Variants in ITFG1 observed in about 807,000 individuals in gnomAD.
ITFG1 encodes T-cell immunomodulatory protein.
In ITFG1, 34 loss-of-function variants were observed where a neutral mutation model predicts 81.8. The ratio of observed to expected loss-of-function variants is 0.42; its 90% CI spans 0.32 to 0.55. ITFG1 has a LOEUF of 0.55. Among genes scored for constraint, ITFG1 ranks in the 20% least tolerant of loss-of-function variants. The pLI is 0.17. For synonymous variants in ITFG1, 285 were observed against 270.6 expected, an observed-to-expected ratio of 1.05 and a Z score of -0.52; for missense variants, 672 against 755.4, an observed-to-expected ratio of 0.89 and a Z score of 1.29.
intron 14 of ITFG1, among the ~76,000 whole-genome samples, chr16:47,181,118 C>T (rs1325852014): frequency 1.3e-5 from 2 of 149,436 alleles, no homozygotes; most frequent in African/African-American, 2.5e-5. Flanking sequence ...GGCCGCCCAT[C>T]GTCTGAGATG....
chr16:47,451,499 T>C (rs1191932073), intron 4 of ITFG1, 29 bp from the exon 5 acceptor site: 15 of 1,208,594 alleles, frequency 1.2e-5, no homozygotes, highest in Middle Eastern at 4.0e-4. Context: ...AATAAGCAGC[T>C]ATTTCTTTAA....
Position 47,349,021 on chromosome 16 carries a change from G to T in ITFG1, c.802+16767C>A, listed in dbSNP as rs547416657. Among the ~76,000 whole-genome samples the T allele has an allele frequency of 3.3e-5, 5 of 152,282 alleles. No individual in the cohort carries two copies. The South Asian group carries it at 1.0e-3, about 32-fold the overall frequency. On this transcript the variant is annotated intron_variant, in intron 8 of 17. Coordinates refer to ENST00000320640, the MANE Select transcript of ITFG1 (RefSeq NM_030790.5). ...AGACAAGCAAATGCTGAGAGATTTTGTCACCACCAGGCCTGCCCTAAAAGA... is the reference window on the plus strand; with the variant it reads ...AGACAAGCAAATGCTGAGAGATTTTTTCACCACCAGGCCTGCCCTAAAAGA...
At chr16:47,263,628 A>G (rs1966238530) in intron 10 of ITFG1, 2 of 186,598 alleles carry the variant, frequency 1.1e-5, no homozygotes, top group South Asian at 2.3e-4. Context: ...AAAGCTGTGG[A>G]ACACTGACCT....
At chr16:47,183,845 C>T (rs1251163726) in intron 14 of ITFG1, among the ~76,000 whole-genome samples, 1 of 152,062 alleles carries the variant, frequency 6.6e-6, no homozygotes, top group African/African-American at 2.4e-5. Context: ...CTCTGAGCTA[C>T]AGGAGGACAT....
chr16:47,218,955 G>GAA lies in ITFG1; in HGVS notation c.1375-11_1375-10dup. ...TGATTCACTCCAAAGGGCTGCAATAGAAAAAAAAAATAGTTAAGGCTTGGA... is the reference window on the plus strand; with the variant it reads ...TGATTCACTCCAAAGGGCTGCAATAGAAAAAAAAAAAATAGTTAAGGCTTGGA... On this transcript the variant is annotated splice_polypyrimidine_tract_variant and intron_variant, in intron 13 of 17. Coordinates refer to ENST00000320640, the MANE Select transcript of ITFG1 (RefSeq NM_030790.5). 74 of 1,424,476 alleles carry GAA rather than the reference G, an allele frequency of 5.2e-5. No individual in the cohort carries two copies. The highest frequency in any genetic ancestry group is 8.9e-5 in the Admixed American group (4 of 44,928). The allele number at this position is 1,424,476 out of a possible 1,614,324, so 88.2% of individuals were successfully genotyped here.
chr16:47,210,471 T>C (rs1284985877), intron 14 of ITFG1, among the ~76,000 whole-genome samples: 5 of 152,204 alleles, frequency 3.3e-5, no homozygotes, highest in African/African-American at 7.2e-5. Context: ...AGGCTGTAGA[T>C]TGTCTTTTCA....
chr16:47,238,653 A>G (rs957652388), intron 12 of ITFG1, among the ~76,000 whole-genome samples: 3 of 152,172 alleles, frequency 2.0e-5, no homozygotes, highest in African/African-American at 7.2e-5. Context: ...GATACCTTTG[A>G]TAAGAAAGCA....
intron 14 of ITFG1, among the ~76,000 whole-genome samples, chr16:47,198,906 TAA>T (rs1376317802): frequency 6.6e-6 from 1 of 152,120 alleles, no homozygotes; most frequent in African/African-American, 2.4e-5. Context: ...CTAAAAAAAT[TAA>T]AAGTTAACAA....
intron 8 of ITFG1, among the ~76,000 whole-genome samples, chr16:47,315,198 C>T (rs1967333701): frequency 6.6e-6 from 1 of 151,452 alleles, no homozygotes. Flanking sequence ...CTGTAATTTG[C>T]AACATATAGA....
chr16:47,363,910 T>C (rs1016418428), intron 8 of ITFG1, among the ~76,000 whole-genome samples: 1 of 152,176 alleles, frequency 6.6e-6, no homozygotes, highest in South Asian at 2.1e-4. Flanking sequence ...ACATCACTTA[T>C]TTAAGCATGT....
At chr16:47,167,209 T>G (rs1181691336) in intron 14 of ITFG1, among the ~76,000 whole-genome samples, 1 of 152,184 alleles carries the variant, frequency 6.6e-6, no homozygotes, top group African/African-American at 2.4e-5. Flanking sequence ...TTCTTTCACT[T>G]AGCATAATGT....
intron 8 of ITFG1, among the ~76,000 whole-genome samples, chr16:47,321,216 G>A (rs1247170191): frequency 6.6e-6 from 1 of 152,052 alleles, no homozygotes; most frequent in Non-Finnish European, 1.5e-5. Flanking sequence ...TAGAATTCAA[G>A]GCTTTTAATA....
chr16:47,305,169 A>C (rs1967137999), intron 10 of ITFG1, among the ~76,000 whole-genome samples: 1 of 152,310 alleles, frequency 6.6e-6, no homozygotes, highest in East Asian at 1.9e-4. Flanking sequence ...ATATACACTC[A>C]TATATCATTT....
intron 10 of ITFG1, among the ~76,000 whole-genome samples, chr16:47,309,028 T>C (rs558462224): frequency 5.3e-5 from 8 of 151,918 alleles, no homozygotes; most frequent in Non-Finnish European, 1.0e-4. Context: ...AAATATTCAC[T>C]CTATGTGCTC....
At chr16:47,345,144 T>C (rs932131086) in intron 8 of ITFG1, among the ~76,000 whole-genome samples, 4 of 152,156 alleles carry the variant, frequency 2.6e-5, no homozygotes, top group Non-Finnish European at 5.9e-5. Context: ...AAAAAGGAAC[T>C]GGCAAGTCAT....
At chr16:47,401,997 A>C (rs1968667255) in intron 6 of ITFG1, among the ~76,000 whole-genome samples, 1 of 152,052 alleles carries the variant, frequency 6.6e-6, no homozygotes, top group Non-Finnish European at 1.5e-5. Flanking sequence ...ACTCTTCATG[A>C]TGACATATTT....
At chr16:47,175,577 T>TA (rs1965014622) in intron 14 of ITFG1, among the ~76,000 whole-genome samples, 2 of 152,308 alleles carry the variant, frequency 1.3e-5, no homozygotes, top group South Asian at 2.1e-4. Context: ...GTATTTGTCT[T>TA]ACTGCTCTAT....
At chr16:47,371,405 A>G (rs1196099774) in intron 7 of ITFG1, among the ~76,000 whole-genome samples, 1 of 152,186 alleles carries the variant, frequency 6.6e-6, no homozygotes, top group Non-Finnish European at 1.5e-5. Flanking sequence ...TAATGCTGTT[A>G]CTACTGCTAC....
chr16:47,414,729 A>G (rs1349154390), intron 6 of ITFG1, among the ~76,000 whole-genome samples: 2 of 152,214 alleles, frequency 1.3e-5, no homozygotes, highest in Non-Finnish European at 2.9e-5. Flanking sequence ...CACTTCAGGA[A>G]GAAGAAAATG....
Sources: allele counts gnomAD v4.1 joint callset (sites outside exome capture counted in the v4.1 genomes callset), GRCh38; gene constraint gnomAD v4.1.1; transcripts MANE v1.5; gene names NCBI Gene and HGNC (gene_info 2026-07-23, HGNC 2026-07-21).